Variants in ZNF654 observed in about 807,000 individuals in gnomAD.
The protein encoded by ZNF654 is zinc finger protein 654.
ZNF654 carries 19 observed loss-of-function variants against 95.3 expected under a neutral mutation model. The observed-to-expected ratio is 0.20, with a 90% CI of 0.14 to 0.29. ZNF654 has a LOEUF of 0.29. Among genes scored for constraint, ZNF654 ranks in the 10% least tolerant of loss-of-function variants. The pLI is 1.00. For synonymous variants in ZNF654, 413 were observed against 457.9 expected (o/e 0.90, Z 1.25); for missense variants, 1,046 against 1,341.0 (o/e 0.78, Z 3.44).
chr3:88,104,467 T>C (rs573096811), intron 2 of ZNF654, among the ~76,000 whole-genome samples: 10 of 152,320 alleles, frequency 6.6e-5, no homozygotes, highest in African/African-American at 1.7e-4. Context: ...TTCAACACAA[T>C]TTTTATACAA....
chr3:88,059,568 G>A (rs775075199), intron 1 of ZNF654, 63 bp downstream of exon 1: 1 of 1,443,444 alleles, frequency 6.9e-7, no homozygotes, highest in Non-Finnish European at 9.0e-7. Flanking sequence ...GCGTCTCCTG[G>A]TCTTCTCGTC....
chr3:88,130,617 A>ATTTT (rs10674029), intron 6 of ZNF654, among the ~76,000 whole-genome samples: 4,315 of 129,122 alleles, frequency 0.033, 169 homozygotes, highest in African/African-American at 0.073. Context: ...TGCCCAGCTA[A>ATTTT]TTTTTTTTTT....
intron 2 of ZNF654, among the ~76,000 whole-genome samples, chr3:88,108,199 A>G (rs1335825301): frequency 6.6e-6 from 1 of 152,052 alleles, no homozygotes; most frequent in Non-Finnish European, 1.5e-5. Context: ...AGATTTTCAA[A>G]GTAGTTTTTT....
intron 1 of ZNF654, among the ~76,000 whole-genome samples, chr3:88,083,043 C>G (rs1708161552): frequency 1.3e-5 from 2 of 151,752 alleles, no homozygotes. Flanking sequence ...CTCCTCCTCA[C>G]TCCTCCTCCC....
intron 1 of ZNF654, among the ~76,000 whole-genome samples, chr3:88,074,621 G>A (rs1264124549): frequency 2.0e-5 from 3 of 152,096 alleles, no homozygotes; most frequent in Admixed American, 6.5e-5. Context: ...GATTATAAGC[G>A]TGAGCCACTG....
At chr3:88,090,500 C>T (rs1708574617) in intron 2 of ZNF654, among the ~76,000 whole-genome samples, 1 of 151,450 alleles carries the variant, frequency 6.6e-6, no homozygotes, top group Non-Finnish European at 1.5e-5. Flanking sequence ...CTAAATGTTA[C>T]AAAATAGTCA....
chr3:88,062,601 T>A (rs1210193164), intron 1 of ZNF654, among the ~76,000 whole-genome samples: 8 of 152,190 alleles, frequency 5.3e-5, no homozygotes, highest in South Asian at 2.1e-4. Flanking sequence ...ATACACTGAA[T>A]TTTTTGTCAT....
At chr3:88,096,063 C>G (rs73844869) in intron 2 of ZNF654, 1 of 180,988 alleles carries the variant, frequency 5.5e-6, no homozygotes, top group Non-Finnish European at 1.1e-5. Flanking sequence ...GTGGCCTCCC[C>G]TCCTGGGTCT....
chr3:88,134,487 A>G (rs1706653168), intron 6 of ZNF654, among the ~76,000 whole-genome samples: 1 of 152,074 alleles, frequency 6.6e-6, no homozygotes, highest in Non-Finnish European at 1.5e-5. Flanking sequence ...CTTGTGCATC[A>G]AATAACAGTG....
intron 2 of ZNF654, among the ~76,000 whole-genome samples, chr3:88,087,851 G>A (rs1054585587): frequency 8.5e-5 from 13 of 152,144 alleles, no homozygotes; most frequent in African/African-American, 3.1e-4. Context: ...AGCATTAGAG[G>A]TTGAGTATCC....
intron 1 of ZNF654, among the ~76,000 whole-genome samples, chr3:88,083,082 C>T (rs915166730): frequency 6.6e-6 from 1 of 151,868 alleles, no homozygotes; most frequent in Non-Finnish European, 1.5e-5. Context: ...CTCACTCTTC[C>T]TCCTCCTCAC....
At chr3:88,119,286 CA>C (rs1352403017) in intron 3 of ZNF654, among the ~76,000 whole-genome samples, 1 of 145,530 alleles carries the variant, frequency 6.9e-6, no homozygotes, top group Non-Finnish European at 1.5e-5. Context: ...ATCGCAAGAA[CA>C]AAAAACCAAA....
At chr3:88,115,475 C>T (rs1705334796) in intron 3 of ZNF654, among the ~76,000 whole-genome samples, 1 of 152,168 alleles carries the variant, frequency 6.6e-6, no homozygotes, top group South Asian at 2.1e-4. Context: ...GATCATGTCA[C>T]TGTTTTTAAG....
chr3:88,086,460 G>GT (rs1339077662), intron 2 of ZNF654, 58 bp downstream of exon 2: 41 of 1,324,796 alleles, frequency 3.1e-5, no homozygotes, highest in Non-Finnish European at 3.9e-5. Flanking sequence ...TTGAGAATTT[G>GT]TTTTTGATAA....
In ZNF654 at chr3:88,060,127, TA is replaced by T. The variant is rs953783262; in HGVS notation, c.186+624del. ...AAGGCAATGTGATTGTCTTTTTTTT[TA>T]ACCTCCTTCGGTTGACACACGCACT... On this transcript the variant is annotated intron_variant, in intron 1 of 8. Coordinates refer to ENST00000636215, the MANE Select transcript of ZNF654 (RefSeq NM_001350134.2). Among the ~76,000 whole-genome samples, 4 of 152,278 alleles carry T rather than the reference TA, an allele frequency of 2.6e-5. No homozygotes were observed. The Middle Eastern group carries it at 0.014, about 518-fold the overall frequency.
rs1383385606 is a variant in ZNF654 at position 88,139,208 on chromosome 3, T to C, written c.1539T>C (p.Asp513=). ...TDQSTGETDP[D]DVSGVQPKGH... The stretch of plus-strand genomic sequence containing the variant: ...AGAGCACTGGAGAGACTGATCCTGA[T>C]GATGTATCTGGAGTGCAGCCTAAAG... The change falls in exon 8 of 9, where the codon GAT becomes GAC. Residue 513 remains aspartate (D), a synonymous_variant. Transcript: ENST00000636215. 1 of 1,461,684 alleles carries C rather than the reference T, an allele frequency of 6.8e-7. No homozygotes were observed. The highest frequency in any genetic ancestry group is 9.0e-7 in the Non-Finnish European group (1 of 1,108,896). 90.5% of individuals were successfully genotyped at this position (1,461,684 alleles called of 1,614,324 possible).
chr3:88,075,469 C>T (rs1169270480), intron 1 of ZNF654, among the ~76,000 whole-genome samples: 5 of 152,158 alleles, frequency 3.3e-5, no homozygotes, highest in African/African-American at 1.2e-4. Flanking sequence ...AACCATGGAA[C>T]AGGTACCTAA....
chr3:88,104,765 A>C (rs76287825), intron 2 of ZNF654, among the ~76,000 whole-genome samples: 6,250 of 152,306 alleles, frequency 0.041, 368 homozygotes, highest in African/African-American at 0.13. Context: ...AGGAGGAAGA[A>C]GAGGTCAAAC....
At chr3:88,107,464 G>A (rs772499954) in intron 2 of ZNF654, among the ~76,000 whole-genome samples, 1 of 151,970 alleles carries the variant, frequency 6.6e-6, no homozygotes, top group Non-Finnish European at 1.5e-5. Context: ...ATTATGATTA[G>A]CTAGATGTAT....
Sources: allele counts gnomAD v4.1 joint callset (sites outside exome capture counted in the v4.1 genomes callset), GRCh38; gene constraint gnomAD v4.1.1; transcripts MANE v1.5; gene names NCBI Gene and HGNC (gene_info 2026-07-23, HGNC 2026-07-21).